The following ASMT variants were observed in gnomAD, a reference collection of about 807,000 sequenced individuals.
The protein encoded by ASMT is acetylserotonin O-methyltransferase.
In ASMT, 53 loss-of-function variants were observed where a neutral mutation model predicts 41.3. The observed-to-expected ratio is 1.28, with a 90% CI of 1.03 to 1.61. The LOEUF is 1.61. Ranked by LOEUF, ASMT falls within the 40% of genes most tolerant of loss-of-function variation. The pLI is 0.00. For synonymous variants in ASMT, 231 were observed against 184.8 expected, an observed-to-expected ratio of 1.25 and a Z score of -2.03; for missense variants, 531 against 441.3, an observed-to-expected ratio of 1.20 and a Z score of -1.82.
rs868683913 is a variant in ASMT at position 1,627,613 on chromosome X, T to C, written c.375-90T>C. 1.1e-4 allele frequency: 131 copies of C among 1,246,810 alleles called. 3 individuals are homozygous for C. In the South Asian group the frequency reaches 1.5e-3, roughly 14 times the overall value. 77.2% of individuals were successfully genotyped at this position (1,246,810 alleles called of 1,614,324 possible). On this transcript the variant is annotated intron_variant, in intron 3 of 8. Transcript: ENST00000381241. ...TCCAGCCTGGGCTACAGAGCTGAAA[T>C]GAAATGAAACGAAATGAAACGAAAT... is the stretch of plus-strand genomic sequence containing the variant.
At chrX:1,640,478 C>G (rs1332251688) in intron 8 of ASMT, among the ~76,000 whole-genome samples, 13 of 47,986 alleles carry the variant, frequency 2.7e-4, no homozygotes, top group Admixed American at 4.4e-4. Context: ...TGTCCCAGCT[C>G]TCCTGTGAGG....
At chrX:1,626,897 C>T (rs1437998525) in intron 3 of ASMT, among the ~76,000 whole-genome samples, 8 of 151,702 alleles carry the variant, frequency 5.3e-5, no homozygotes, top group East Asian at 3.9e-4. Flanking sequence ...GGCATGGTGG[C>T]GGGTGCCTGT....
chrX:1,637,087 T>C lies in ASMT; in HGVS notation c.910+527T>C, dbSNP rs1186328888. Among the ~76,000 whole-genome samples, 4 of 101,934 alleles carry C rather than the reference T, an allele frequency of 3.9e-5. No individual in the cohort carries two copies. In the South Asian group the frequency reaches 1.2e-3, roughly 31 times the overall value. 66.9% of individuals were successfully genotyped at this position (101,934 alleles called of 152,430 possible). A position where few individuals can be genotyped will look rare whatever the true frequency, so the allele number is the denominator to read the frequency against. On this transcript the variant is annotated intron_variant, in intron 8 of 8. Coordinates refer to ENST00000381241, the MANE Select transcript of ASMT (RefSeq NM_001171038.2). ...GTGGGCACAGCCTCTGTGTGTGAGA[T>C]AAGGACTGTGTCCCAGCTCTCCTGT...
At chrX:1,627,659 GAAATGAAAT>G in intron 3 of ASMT, 35 bp from the exon 4 acceptor site, 2 of 1,434,532 alleles carry the variant, frequency 1.4e-6, no homozygotes, top group Non-Finnish European at 2.0e-6. Flanking sequence ...GAAATGAAAT[GAAATGAAAT>G]GAAATGAAAA....
rs752013140 is a variant in ASMT, at chrX:1,637,139, G to T, written c.910+579G>T. 8.1e-5 allele frequency among the ~76,000 whole-genome samples: 8 copies of T among 98,874 alleles called. No individual in the cohort carries two copies. In the South Asian group the frequency reaches 2.6e-3, roughly 33 times the overall value. The allele number at this position is 98,874 out of a possible 152,430, so 64.9% of individuals were successfully genotyped here. ...AGGTCCACCCATCCTGATGCTTCAC[G>T]AGGACGTGGGCACAGCCTCTGTGTA... On this transcript the variant is annotated intron_variant, in intron 8 of 8. Coordinates refer to ENST00000381241, the MANE Select transcript of ASMT (RefSeq NM_001171038.2).
intron 7 of ASMT, 98 bp downstream of exon 7, chrX:1,633,388 C>T: frequency 6.7e-7 from 1 of 1,494,818 alleles, no homozygotes; most frequent in African/African-American, 1.4e-5. Context: ...TGTGGTTTTC[C>T]TCTCACTCCC....
chrX:1,628,758 C>T (rs1934655180), intron 4 of ASMT, among the ~76,000 whole-genome samples: 1 of 151,068 alleles, frequency 6.6e-6, no homozygotes, highest in South Asian at 2.1e-4. Flanking sequence ...CCTCTCTCTT[C>T]TTCCCTCTCT....
intron 8 of ASMT, among the ~76,000 whole-genome samples, chrX:1,642,545 G>A (rs1935228985): frequency 6.6e-6 from 1 of 150,536 alleles, no homozygotes; most frequent in Non-Finnish European, 1.5e-5. Flanking sequence ...CAGTTCTCCT[G>A]TGAGGTCCAT....
intron 1 of ASMT, among the ~76,000 whole-genome samples, chrX:1,619,583 AT>A (rs1428475282): frequency 7.5e-5 from 11 of 146,260 alleles, no homozygotes; most frequent in African/African-American, 2.0e-4. Flanking sequence ...AATAATAATA[AT>A]AATAAAAAGT....
intron 4 of ASMT, among the ~76,000 whole-genome samples, chrX:1,629,523 A>G (rs142280216): frequency 0.02 from 2,996 of 152,148 alleles, 98 homozygotes; most frequent in African/African-American, 0.069. Flanking sequence ...GGGGGAACGT[A>G]TTATTGACTT....
Position 1,643,026 on chromosome X carries a change from G to T in ASMT, c.*12G>T. ...TAGCCAGGAAATAACTGTTTCTTGTGACCTGGAACTAACGTCAAAGCACAC... is the reference window on the plus strand; with the variant it reads ...TAGCCAGGAAATAACTGTTTCTTGTTACCTGGAACTAACGTCAAAGCACAC... On this transcript the variant is annotated 3_prime_UTR_variant, in exon 9 of 9. Transcript: ENST00000381241. The T allele has an allele frequency of 1.2e-6, 2 of 1,613,190 alleles. No individual in the cohort carries two copies. The highest frequency in any genetic ancestry group is 2.2e-5 in the South Asian group (2 of 91,040).
intron 5 of ASMT, 71 bp from the exon 6 acceptor site, chrX:1,632,633 C>T (rs774643311): frequency 3.1e-5 from 5 of 163,644 alleles, no homozygotes; most frequent in East Asian, 3.4e-4. Flanking sequence ...CCAGCCTGGG[C>T]GACAGAGCCA....
intron 1 of ASMT, among the ~76,000 whole-genome samples, chrX:1,621,120 A>G (rs1934324441): frequency 6.6e-6 from 1 of 152,014 alleles, no homozygotes; most frequent in African/African-American, 2.4e-5. Context: ...ACAAAAAGAT[A>G]GTGGTAGGTG....
chrX:1,625,871 T>C (rs192114608), intron 3 of ASMT, among the ~76,000 whole-genome samples: 6,634 of 146,444 alleles, frequency 0.045, 423 homozygotes, highest in African/African-American at 0.15. Flanking sequence ...AGGAAAATGG[T>C]GTGAACCCGG....
chrX:1,625,121 T>TTTTG, intron 3 of ASMT, among the ~76,000 whole-genome samples: 1 of 150,376 alleles, frequency 6.6e-6, no homozygotes, highest in Non-Finnish European at 1.5e-5. Context: ...TTTTTTTTTT[T>TTTTG]TGAGATGGAG....
At chrX:1,633,342 G>C in intron 7 of ASMT, 52 bp downstream of exon 7, 2 of 1,610,734 alleles carry the variant, frequency 1.2e-6, no homozygotes, top group Non-Finnish European at 1.7e-6. Flanking sequence ...CTTCTCCAGG[G>C]GGACTGGATG....
chrX:1,636,974 TGAGGA>T (rs1569384334), intron 8 of ASMT, among the ~76,000 whole-genome samples: 25 of 75,722 alleles, frequency 3.3e-4, no homozygotes, highest in Non-Finnish European at 4.2e-4. Context: ...TGATGGCACA[TGAGGA>T]TGTGGGCACA....
chrX:1,630,760 G>A (rs1221194375), intron 5 of ASMT, among the ~76,000 whole-genome samples: 1 of 151,800 alleles, frequency 6.6e-6, no homozygotes, highest in East Asian at 1.9e-4. Context: ...GTCTCTCTAC[G>A]TTGCCCTGGC....
Position 1,627,711 on chromosome X carries a change from G to A in ASMT, c.383G>A (p.Arg128Lys). The A allele has an allele frequency of 1.9e-6, 3 of 1,613,698 alleles. No individual in the cohort carries two copies. The highest frequency in any genetic ancestry group is 2.5e-6 in the Non-Finnish European group (3 of 1,179,614). The change falls in exon 4 of 9, where the codon AGG becomes AAG. Residue 128 changes from arginine (R) to lysine (K), a missense_variant. Coordinates refer to ENST00000381241, the MANE Select transcript of ASMT (RefSeq NM_001171038.2). ...GHLADAVREG[R>K]NQYLETFGVP... ...TCTCTCTCTTTTCTTAGAGAAGGAA[G>A]GAACCAGTACCTGGAGACGTTTGGC...
Sources: gnomAD v4.1 joint callset for allele counts (sites outside exome capture counted in the v4.1 genomes callset) on GRCh38, gnomAD v4.1.1 for gene constraint, MANE v1.5 for transcripts, NCBI Gene and HGNC (gene_info 2026-07-23, HGNC 2026-07-21) for gene names.